The following ALK variants were observed in gnomAD, a reference collection of about 807,000 sequenced individuals.
ALK encodes the protein ALK tyrosine kinase receptor.
ALK carries 74 observed loss-of-function variants against 163.1 expected under a neutral mutation model. That is an observed-to-expected ratio of 0.45 (90% CI 0.38 to 0.55). The LOEUF is 0.55. Ranked by LOEUF, ALK falls within the 20% of genes least tolerant of loss-of-function variation. The pLI is 0.00. For missense variants in ALK, 2,063 were observed against 2,105.3 expected (o/e 0.98, Z 0.39); for synonymous variants, 960 against 843.2 (o/e 1.14, Z -2.40).
chr2:29,516,958 A>G (rs1262582248), intron 4 of ALK, among the ~76,000 whole-genome samples: 2 of 152,226 alleles, frequency 1.3e-5, no homozygotes, highest in African/African-American at 4.8e-5. Flanking sequence ...CCTTATCATC[A>G]TCTACTTTCA....
intron 5 of ALK, among the ~76,000 whole-genome samples, chr2:29,334,935 C>T (rs1323765650): frequency 2.6e-5 from 4 of 152,162 alleles, no homozygotes; most frequent in African/African-American, 9.7e-5. Flanking sequence ...AGGAATGTAT[C>T]CTTGGTGAAT....
At chr2:29,423,866 C>A (rs551322428) in intron 4 of ALK, among the ~76,000 whole-genome samples, 1 of 152,280 alleles carries the variant, frequency 6.6e-6, no homozygotes, top group Non-Finnish European at 1.5e-5. Context: ...AAGGAGGAGG[C>A]TATGCTCTCC....
intron 1 of ALK, among the ~76,000 whole-genome samples, chr2:29,846,416 T>G (rs1380499162): frequency 2.0e-5 from 3 of 152,352 alleles, no homozygotes; most frequent in African/African-American, 7.2e-5. Context: ...ATTTACACAC[T>G]TATTGTCTGT....
At chr2:29,788,530 C>A (rs555985345) in intron 1 of ALK, among the ~76,000 whole-genome samples, 1 of 152,144 alleles carries the variant, frequency 6.6e-6, no homozygotes, top group East Asian at 1.9e-4. Context: ...CATGAGAAAG[C>A]GAAAGGGAGG....
At chr2:29,524,839 G>A (rs755557611) in intron 4 of ALK, among the ~76,000 whole-genome samples, 6 of 151,686 alleles carry the variant, frequency 4.0e-5, no homozygotes, top group Non-Finnish European at 7.4e-5. Context: ...TGGATGGATG[G>A]TAGATGGATG....
intron 1 of ALK, among the ~76,000 whole-genome samples, chr2:29,799,129 A>C (rs1265488562): frequency 1.3e-5 from 2 of 152,236 alleles, no homozygotes; most frequent in Non-Finnish European, 2.9e-5. Flanking sequence ...GATATTGTTC[A>C]TATGGGCTTT....
intron 1 of ALK, among the ~76,000 whole-genome samples, chr2:29,720,962 G>T (rs1377857590): frequency 6.6e-6 from 1 of 152,138 alleles, no homozygotes; most frequent in Admixed American, 6.5e-5. Flanking sequence ...AGTGACTCTT[G>T]GACCTTGGGA....
chr2:29,750,645 AAGGAAG>A (rs1680332480), intron 1 of ALK, among the ~76,000 whole-genome samples: 1 of 75,186 alleles, frequency 1.3e-5, no homozygotes, highest in Non-Finnish European at 2.8e-5. Context: ...GGAAGGAAGG[AAGGAAG>A]GAAGGAAGGA....
chr2:29,741,338 G>A (rs1401082499), intron 1 of ALK, among the ~76,000 whole-genome samples: 1 of 152,158 alleles, frequency 6.6e-6, no homozygotes, highest in Non-Finnish European at 1.5e-5. Flanking sequence ...TGCTGTGTCA[G>A]CATAGGTCTG....
rs527870313 is a variant in ALK, at chr2:29,483,004, G to T, written c.1154+48911C>A. Among the ~76,000 whole-genome samples, 103 of 152,270 alleles carry T rather than the reference G, an allele frequency of 6.8e-4. No homozygotes were observed. The South Asian group carries it at 0.021, about 30-fold the overall frequency. On this transcript the variant is annotated intron_variant, in intron 4 of 28. Coordinates refer to ENST00000389048, the MANE Select transcript of ALK (RefSeq NM_004304.5). Reference sequence around the variant, plus strand: ...CTAGGCTATTCCTACGCAGTTATTGGGCTGAGAAGACTGAATGAGCAACAT... The same window carrying T: ...CTAGGCTATTCCTACGCAGTTATTGTGCTGAGAAGACTGAATGAGCAACAT...
At chr2:29,223,725 C>A (rs1663821534) in intron 19 of ALK, 197 bp from the exon 20 acceptor site, 1 of 608,790 alleles carries the variant, frequency 1.6e-6, no homozygotes, top group Non-Finnish European at 2.9e-6. Flanking sequence ...AAAGTAAATG[C>A]AAAGCTAAAA....
chr2:29,753,899 G>A (rs922971589), intron 1 of ALK, among the ~76,000 whole-genome samples: 2 of 152,200 alleles, frequency 1.3e-5, no homozygotes, highest in African/African-American at 2.4e-5. Flanking sequence ...TCAGCAGCCC[G>A]AGTCTGGCTG....
chr2:29,888,484 G>T (rs370488592), intron 1 of ALK, among the ~76,000 whole-genome samples: 1 of 151,840 alleles, frequency 6.6e-6, no homozygotes, highest in African/African-American at 2.4e-5. Flanking sequence ...TTTTCCCATC[G>T]AAACAAGTGC....
chr2:29,377,474 CAAAAAAAAA>C (rs372035289), intron 5 of ALK, among the ~76,000 whole-genome samples: 1 of 119,044 alleles, frequency 8.4e-6, no homozygotes, highest in South Asian at 3.1e-4. Flanking sequence ...GACTACATCT[CAAAAAAAAA>C]AAAAAAAAAG....
At chr2:29,572,553 T>C (rs1225369699) in intron 3 of ALK, among the ~76,000 whole-genome samples, 1 of 152,108 alleles carries the variant, frequency 6.6e-6, no homozygotes, top group Non-Finnish European at 1.5e-5. Context: ...ATCCATCCCC[T>C]TTGTGGCGCC....
chr2:29,768,749 A>T (rs1387415939), intron 1 of ALK, among the ~76,000 whole-genome samples: 1 of 117,792 alleles, frequency 8.5e-6, no homozygotes, highest in Admixed American at 8.3e-5. Context: ...GTGTGTATAT[A>T]TGTATATGTG....
At chr2:29,524,877 G>A (rs148274581) in intron 4 of ALK, among the ~76,000 whole-genome samples, 3 of 151,836 alleles carry the variant, frequency 2.0e-5, no homozygotes, top group African/African-American at 2.4e-5. Flanking sequence ...ATGGATGAAC[G>A]GATGGATGGA....
At chr2:29,746,170 C>T (rs965621143) in intron 1 of ALK, among the ~76,000 whole-genome samples, 1 of 152,122 alleles carries the variant, frequency 6.6e-6, no homozygotes, top group African/African-American at 2.4e-5. Context: ...AGAAGCAAAA[C>T]TAAAGGTTCT....
intron 1 of ALK, among the ~76,000 whole-genome samples, chr2:29,877,856 T>G (rs1016146445): frequency 6.6e-6 from 1 of 152,186 alleles, no homozygotes; most frequent in African/African-American, 2.4e-5. Context: ...ATGGAATGAC[T>G]GGCTGCCATA....
Sources: allele counts gnomAD v4.1 joint callset (sites outside exome capture counted in the v4.1 genomes callset), GRCh38; gene constraint gnomAD v4.1.1; transcripts MANE v1.5; gene names NCBI Gene and HGNC (gene_info 2026-07-23, HGNC 2026-07-21).